The following RAB3B variants were observed in gnomAD, a reference collection of about 807,000 sequenced individuals.
The protein encoded by RAB3B is RAB3B, member RAS oncogene family, also known as ras-related protein Rab-3B.
RAB3B carries 11 observed loss-of-function variants against 20.5 expected under a neutral mutation model. The ratio of observed to expected loss-of-function variants is 0.54; its 90% CI spans 0.34 to 0.89. RAB3B has a LOEUF of 0.89. Ranked by LOEUF, RAB3B falls within the 40% of genes least tolerant of loss-of-function variation. The pLI, the probability that RAB3B is intolerant of heterozygous loss-of-function variation, is 0.02. For synonymous variants in RAB3B, 99 were observed against 106.3 expected, an observed-to-expected ratio of 0.93 and a Z score of 0.42; for missense variants, 225 against 280.9, an observed-to-expected ratio of 0.80 and a Z score of 1.42.
chr1:51,985,132 TAC>T (rs1241258085), intron 1 of RAB3B, among the ~76,000 whole-genome samples: 2 of 152,230 alleles, frequency 1.3e-5, no homozygotes, highest in Non-Finnish European at 2.9e-5. Context: ...AGTAGTACTA[TAC>T]GTAAACAATC....
At chr1:51,964,326 C>T (rs61780736) in intron 2 of RAB3B, among the ~76,000 whole-genome samples, 5,999 of 152,254 alleles carry the variant, frequency 0.039, 172 homozygotes, top group Non-Finnish European at 0.054. Flanking sequence ...ACCACACATT[C>T]TCATTTCAGT....
At chr1:51,930,553 A>G (rs1433485889) in intron 4 of RAB3B, among the ~76,000 whole-genome samples, 1 of 152,172 alleles carries the variant, frequency 6.6e-6, no homozygotes, top group African/African-American at 2.4e-5. Flanking sequence ...CACTTTTCTC[A>G]TCTGTTAAAA....
intron 1 of RAB3B, among the ~76,000 whole-genome samples, chr1:51,988,650 G>A (rs1233686553): frequency 6.6e-6 from 1 of 152,154 alleles, no homozygotes; most frequent in Non-Finnish European, 1.5e-5. Context: ...AGAAATTGAG[G>A]CAGGAGCACC....
At chr1:51,964,046 T>A (rs1409149497) in intron 2 of RAB3B, among the ~76,000 whole-genome samples, 2 of 152,206 alleles carry the variant, frequency 1.3e-5, no homozygotes, top group African/African-American at 4.8e-5. Flanking sequence ...CACCTTCAGC[T>A]ACCACCCCAA....
intron 2 of RAB3B, among the ~76,000 whole-genome samples, chr1:51,945,225 G>A (rs1684548534): frequency 6.6e-6 from 1 of 152,156 alleles, no homozygotes. Context: ...AGGCTGGAGT[G>A]CAGTGGCGAG....
chr1:51,932,940 C>T (rs1684346481), intron 4 of RAB3B, among the ~76,000 whole-genome samples: 1 of 152,094 alleles, frequency 6.6e-6, no homozygotes, highest in African/African-American at 2.4e-5. Context: ...TTCCCTCACC[C>T]TTGCTTTCCC....
Position 51,976,459 on chromosome 1 carries a change from C to T in RAB3B, c.228+431G>A, listed in dbSNP as rs150735188. 1.1e-3 allele frequency among the ~76,000 whole-genome samples: 163 copies of T among 152,272 alleles called. 2 individuals are homozygous for T. The highest frequency in any genetic ancestry group is 3.7e-3 in the African/African-American group (153 of 41,558). On this transcript the variant is annotated intron_variant, in intron 2 of 4. Transcript: ENST00000371655. ...TTAGCTAACATTTAGTGTGCATTTA[C>T]TATGTTCCAGGAACTAAGCCAAGGA...
At chr1:51,946,530 C>T (rs907207125) in intron 2 of RAB3B, among the ~76,000 whole-genome samples, 1 of 152,310 alleles carries the variant, frequency 6.6e-6, no homozygotes, top group Non-Finnish European at 1.5e-5. Context: ...AACAGACATT[C>T]ATTGAGCTCT....
intron 2 of RAB3B, among the ~76,000 whole-genome samples, chr1:51,966,390 A>AAT (rs1684852149): frequency 6.6e-6 from 1 of 152,158 alleles, no homozygotes. Context: ...CCTCGCATAT[A>AAT]ATATGTACAT....
chr1:51,976,506 T>C (rs905341548), intron 2 of RAB3B, among the ~76,000 whole-genome samples: 1 of 152,186 alleles, frequency 6.6e-6, no homozygotes, highest in African/African-American at 2.4e-5. Context: ...AACAGCCTTA[T>C]GATGTAGATG....
At chr1:51,927,450 C>A (rs1377638472) in intron 4 of RAB3B, among the ~76,000 whole-genome samples, 1 of 152,160 alleles carries the variant, frequency 6.6e-6, no homozygotes, top group Non-Finnish European at 1.5e-5. Context: ...GTGCTTTTCC[C>A]ACTACACTAT....
chr1:51,920,855 C>G (rs771579043), intron 4 of RAB3B, among the ~76,000 whole-genome samples: 5 of 152,162 alleles, frequency 3.3e-5, no homozygotes, highest in Admixed American at 1.3e-4. Context: ...CACCCATAGC[C>G]ACACTGGTTT....
At chr1:51,923,714 C>CAA (rs56771506) in intron 4 of RAB3B, among the ~76,000 whole-genome samples, 1,287 of 74,408 alleles carry the variant, frequency 0.017, 10 homozygotes, top group Middle Eastern at 0.071. Flanking sequence ...GACTCTGTCT[C>CAA]AAAAAAAAAA....
intron 4 of RAB3B, among the ~76,000 whole-genome samples, chr1:51,928,386 C>G (rs754516187): frequency 6.6e-6 from 1 of 152,198 alleles, no homozygotes; most frequent in Admixed American, 6.5e-5. Flanking sequence ...GGATTACAGG[C>G]GTGAGCCACC....
chr1:51,940,694 T>C (rs1319450080), intron 2 of RAB3B, among the ~76,000 whole-genome samples: 1 of 151,896 alleles, frequency 6.6e-6, no homozygotes, highest in African/African-American at 2.4e-5. Context: ...TTATGGAAGA[T>C]GTCAAAGTGG....
At chr1:51,935,102 G>A (rs572272251) in intron 3 of RAB3B, among the ~76,000 whole-genome samples, 1 of 152,284 alleles carries the variant, frequency 6.6e-6, no homozygotes, top group Admixed American at 6.5e-5. Flanking sequence ...AACACACAGC[G>A]AAGAAGGTGT....
intron 2 of RAB3B, among the ~76,000 whole-genome samples, chr1:51,961,765 C>T (rs1684787428): frequency 6.6e-6 from 1 of 151,960 alleles, no homozygotes; most frequent in Non-Finnish European, 1.5e-5. Flanking sequence ...GACAGTCAGA[C>T]CTTTATTTTT....
At chr1:51,981,041 T>A (rs1685081048) in intron 1 of RAB3B, among the ~76,000 whole-genome samples, 2 of 152,180 alleles carry the variant, frequency 1.3e-5, no homozygotes, top group Non-Finnish European at 2.9e-5. Flanking sequence ...TTTATTTTAT[T>A]TTATTTTGAG....
intron 1 of RAB3B, among the ~76,000 whole-genome samples, chr1:51,983,321 C>CA (rs1167720129): frequency 5.3e-4 from 75 of 141,468 alleles, no homozygotes; most frequent in South Asian, 4.5e-4. Flanking sequence ...GACTTGGTCT[C>CA]AAAAAAAAAA....
Sources: gnomAD v4.1 joint callset for allele counts (sites outside exome capture counted in the v4.1 genomes callset) on GRCh38, gnomAD v4.1.1 for gene constraint, MANE v1.5 for transcripts, NCBI Gene and HGNC (gene_info 2026-07-23, HGNC 2026-07-21) for gene names.